POU6F2: variants seen among roughly 807,000 people sequenced by gnomAD.
POU6F2 encodes the protein POU class 6 homeobox 2.
Under a neutral mutation model 71.3 loss-of-function variants are expected in POU6F2, and 31 were observed. That is an observed-to-expected ratio of 0.43 (90% CI 0.33 to 0.59). The LOEUF (loss-of-function observed/expected upper bound fraction) is 0.59, where lower values mean the gene tolerates loss of function less well. POU6F2 is among the 20% of genes least tolerant of loss of function. The pLI, the probability that POU6F2 is intolerant of heterozygous loss-of-function variation, is 0.04. For missense variants in POU6F2, 783 were observed against 856.8 expected, an observed-to-expected ratio of 0.91 and a Z score of 1.07; for synonymous variants, 347 against 355.7, an observed-to-expected ratio of 0.98 and a Z score of 0.27.
At chr7:39,243,350 C>T (rs1201177770) in intron 4 of POU6F2, among the ~76,000 whole-genome samples, 2 of 152,020 alleles carry the variant, frequency 1.3e-5, no homozygotes, top group Non-Finnish European at 2.9e-5. Context: ...GACATACCTC[C>T]ACTGCACCCC....
At chr7:39,114,815 G>A (rs1481458590) in intron 2 of POU6F2, among the ~76,000 whole-genome samples, 1 of 152,088 alleles carries the variant, frequency 6.6e-6, no homozygotes, top group Non-Finnish European at 1.5e-5. Flanking sequence ...TATCTCAGCT[G>A]AAGGAGATTT....
At chr7:39,228,862 G>A (rs1794521162) in intron 4 of POU6F2, among the ~76,000 whole-genome samples, 1 of 152,140 alleles carries the variant, frequency 6.6e-6, no homozygotes, top group South Asian at 2.1e-4. Context: ...TTGCTCCCAG[G>A]CTCATGGATG....
At chr7:39,118,342 A>G (rs1488753472) in intron 2 of POU6F2, among the ~76,000 whole-genome samples, 1 of 152,210 alleles carries the variant, frequency 6.6e-6, no homozygotes, top group Non-Finnish European at 1.5e-5. Context: ...AAGATAGATA[A>G]TAAAGAAACA....
intron 2 of POU6F2, among the ~76,000 whole-genome samples, chr7:39,154,301 C>T (rs1792819410): frequency 6.6e-6 from 1 of 152,048 alleles, no homozygotes; most frequent in Non-Finnish European, 1.5e-5. Context: ...GGGTTTGCTT[C>T]CTGCTTCCAC....
intron 4 of POU6F2, among the ~76,000 whole-genome samples, chr7:39,287,345 G>C (rs187876292): frequency 1.3e-5 from 2 of 152,148 alleles, no homozygotes; most frequent in Admixed American, 1.3e-4. Context: ...TCAAAGTCCC[G>C]GTTCCCTCCC....
intron 2 of POU6F2, among the ~76,000 whole-genome samples, chr7:39,128,023 A>G (rs1426293846): frequency 6.6e-6 from 1 of 151,280 alleles, no homozygotes; most frequent in African/African-American, 2.4e-5. Flanking sequence ...TTTGTGTTTT[A>G]GTAGAGATGG....
At chr7:39,176,560 G>A (rs78873929) in intron 2 of POU6F2, among the ~76,000 whole-genome samples, 5,636 of 152,212 alleles carry the variant, frequency 0.037, 280 homozygotes, top group East Asian at 0.25. Flanking sequence ...CAGAAAGATA[G>A]GGAGAGCCTT....
At chr7:39,342,297 G>A (rs1339164586) in intron 5 of POU6F2, among the ~76,000 whole-genome samples, 1 of 152,176 alleles carries the variant, frequency 6.6e-6, no homozygotes, top group African/African-American at 2.4e-5. Context: ...TACACTAGCT[G>A]CAGGCTTTTT....
intron 4 of POU6F2, among the ~76,000 whole-genome samples, chr7:39,213,882 C>T (rs959632222): frequency 3.3e-5 from 5 of 152,224 alleles, no homozygotes; most frequent in African/African-American, 1.2e-4. Flanking sequence ...CTTGGCCACA[C>T]CCCTGGGAGA....
At chr7:39,021,953 T>C (rs1789687993) in intron 1 of POU6F2, among the ~76,000 whole-genome samples, 1 of 152,124 alleles carries the variant, frequency 6.6e-6, no homozygotes. Context: ...TCTTTTTTAC[T>C]ACACATATTT....
At chr7:39,442,805 CA>C (rs1195441815) in intron 7 of POU6F2, among the ~76,000 whole-genome samples, 1 of 152,134 alleles carries the variant, frequency 6.6e-6, no homozygotes, top group East Asian at 1.9e-4. Flanking sequence ...TGTAAATTGC[CA>C]AAAAGGTGAT....
chr7:39,017,219 T>C (rs1269723652), intron 1 of POU6F2, among the ~76,000 whole-genome samples: 1 of 152,196 alleles, frequency 6.6e-6, no homozygotes, highest in Non-Finnish European at 1.5e-5. Context: ...TATCATTTAC[T>C]TATTCTTCTT....
intron 4 of POU6F2, among the ~76,000 whole-genome samples, chr7:39,312,261 A>G (rs188943733): frequency 6.6e-6 from 1 of 152,338 alleles, no homozygotes; most frequent in Non-Finnish European, 1.5e-5. Flanking sequence ...AAAAATTAAT[A>G]GTGAATCTTT....
At chr7:39,136,803 G>A (rs534477039) in intron 2 of POU6F2, among the ~76,000 whole-genome samples, 1 of 151,272 alleles carries the variant, frequency 6.6e-6, no homozygotes, top group Non-Finnish European at 1.5e-5. Flanking sequence ...AGGTCAGCCT[G>A]AGCAACATAG....
chr7:39,397,769 G>A (rs1002163226), intron 5 of POU6F2, among the ~76,000 whole-genome samples: 2 of 145,528 alleles, frequency 1.4e-5, no homozygotes, highest in Non-Finnish European at 3.0e-5. Flanking sequence ...GCCACTGCAA[G>A]TAGCCTGTAA....
intron 1 of POU6F2, among the ~76,000 whole-genome samples, chr7:38,996,809 C>T (rs571147807): frequency 6.6e-6 from 1 of 152,302 alleles, no homozygotes; most frequent in South Asian, 2.1e-4. Context: ...TTGCTTATAT[C>T]CGCAAAGGCT....
At chr7:39,072,007 G>A (rs1434327143) in intron 1 of POU6F2, among the ~76,000 whole-genome samples, 14 of 152,198 alleles carry the variant, frequency 9.2e-5, no homozygotes. Context: ...CCAAGGGCAA[G>A]ACTTGCAGAC....
At chr7:39,320,223 G>A (rs920043800) in intron 4 of POU6F2, among the ~76,000 whole-genome samples, 6 of 152,144 alleles carry the variant, frequency 3.9e-5, no homozygotes, top group African/African-American at 4.8e-5. Context: ...CTCAACCACC[G>A]TGGCCCACCT....
chr7:39,248,384 G>A (rs7789406), intron 4 of POU6F2, among the ~76,000 whole-genome samples: 59,337 of 151,984 alleles, frequency 0.39, 12,642 homozygotes, highest in East Asian at 0.68. Flanking sequence ...GATGAGATGT[G>A]TTCAAGGAAG....
Sources: gnomAD v4.1 joint callset for allele counts (sites outside exome capture counted in the v4.1 genomes callset) on GRCh38, gnomAD v4.1.1 for gene constraint, MANE v1.5 for transcripts, NCBI Gene and HGNC (gene_info 2026-07-23, HGNC 2026-07-21) for gene names.